The following SMYD3 variants were observed in gnomAD, a reference collection of about 807,000 sequenced individuals.
SMYD3 encodes histone-lysine N-methyltransferase SMYD3.
A neutral mutation model predicts 57.7 loss-of-function variants in SMYD3; 36 were observed. The observed-to-expected ratio is 0.62, with a 90% confidence interval of 0.48 to 0.82. The LOEUF is 0.82. Among genes scored for constraint, SMYD3 ranks in the 40% least tolerant of loss-of-function variants. The pLI is 0.00. For synonymous variants in SMYD3, 211 were observed against 195.0 expected (o/e 1.08, Z -0.68); for missense variants, 515 against 538.8 (o/e 0.96, Z 0.44).
chr1:246,149,963 C>A (rs963995099), intron 5 of SMYD3, among the ~76,000 whole-genome samples: 4 of 152,208 alleles, frequency 2.6e-5, no homozygotes, highest in African/African-American at 9.6e-5. Flanking sequence ...CTGAAACAAC[C>A]ATTAACTTCT....
chr1:246,039,876 C>T (rs939002809), intron 5 of SMYD3, among the ~76,000 whole-genome samples: 1 of 152,184 alleles, frequency 6.6e-6, no homozygotes, highest in Admixed American at 6.5e-5. Flanking sequence ...TAGTTCTCAA[C>T]ATCTTGCCAC....
chr1:246,194,816 T>C (rs1055354717), intron 5 of SMYD3, among the ~76,000 whole-genome samples: 2 of 152,242 alleles, frequency 1.3e-5, no homozygotes, highest in African/African-American at 4.8e-5. Flanking sequence ...TCAGAGAAAT[T>C]CTACGGCACA....
At chr1:245,957,383 A>G (rs1238249639) in intron 5 of SMYD3, among the ~76,000 whole-genome samples, 1 of 151,936 alleles carries the variant, frequency 6.6e-6, no homozygotes, top group Non-Finnish European at 1.5e-5. Flanking sequence ...CCCATCACCT[A>G]CTACACTCAC....
intron 10 of SMYD3, chr1:245,814,494 C>A (rs188916425): frequency 4.3e-6 from 3 of 701,222 alleles, no homozygotes; most frequent in Non-Finnish European, 5.3e-6. Flanking sequence ...GCTACTGTTA[C>A]ACCACATACT....
chr1:245,763,645 G>T (rs921317061), intron 11 of SMYD3, among the ~76,000 whole-genome samples: 2 of 152,060 alleles, frequency 1.3e-5, no homozygotes, highest in African/African-American at 2.4e-5. Context: ...GATGGTCAAG[G>T]GCTTGCCACG....
intron 1 of SMYD3, among the ~76,000 whole-genome samples, chr1:246,458,532 C>T (rs563184987): frequency 2.0e-5 from 3 of 148,824 alleles, no homozygotes; most frequent in East Asian, 2.0e-4. Flanking sequence ...CTGCAACCTC[C>T]GCCTCCCAGG....
intron 10 of SMYD3, among the ~76,000 whole-genome samples, chr1:245,766,364 C>T (rs972309320): frequency 7.0e-6 from 1 of 143,754 alleles, no homozygotes; most frequent in African/African-American, 2.6e-5. Flanking sequence ...TGCAGCACTG[C>T]ACTCCAGCCT....
intron 5 of SMYD3, among the ~76,000 whole-genome samples, chr1:245,967,223 T>A (rs2058178502): frequency 6.6e-6 from 1 of 152,218 alleles, no homozygotes; most frequent in Non-Finnish European, 1.5e-5. Flanking sequence ...TCTTTATTAA[T>A]CTGGCTTTAT....
chr1:246,176,309 C>T (rs545342591), intron 5 of SMYD3, among the ~76,000 whole-genome samples: 42 of 152,294 alleles, frequency 2.8e-4, no homozygotes, highest in African/African-American at 1.0e-3. Flanking sequence ...TACATCCATT[C>T]ACCACTGTCC....
chr1:246,321,391 T>C (rs936892096), intron 5 of SMYD3, among the ~76,000 whole-genome samples: 1 of 152,230 alleles, frequency 6.6e-6, no homozygotes, highest in African/African-American at 2.4e-5. Flanking sequence ...GAAGTAGATA[T>C]TAGTATTTCC....
At chr1:246,206,117 C>A (rs1309833441) in intron 5 of SMYD3, among the ~76,000 whole-genome samples, 1 of 151,774 alleles carries the variant, frequency 6.6e-6, no homozygotes, top group South Asian at 2.1e-4. Flanking sequence ...GTTTTTAGGA[C>A]AACTTCAATT....
intron 1 of SMYD3, among the ~76,000 whole-genome samples, chr1:246,442,335 G>A (rs113725510): frequency 0.054 from 8,245 of 152,156 alleles, 239 homozygotes; most frequent in Middle Eastern, 0.16. Flanking sequence ...GGCAGGCTGA[G>A]GTCACGAGTT....
At chr1:246,067,282 G>A (rs1440259120) in intron 5 of SMYD3, among the ~76,000 whole-genome samples, 3 of 152,138 alleles carry the variant, frequency 2.0e-5, no homozygotes, top group Non-Finnish European at 4.4e-5. Context: ...AGCCAGTGGG[G>A]GAGAATGGTT....
At chr1:246,186,679 G>A (rs12144675) in intron 5 of SMYD3, 200,478 of 891,384 alleles carry the variant, frequency 0.22, 26,519 homozygotes, top group African/African-American at 0.56. Context: ...AACTTGACCT[G>A]TGAGAGTCTG....
intron 5 of SMYD3, among the ~76,000 whole-genome samples, chr1:246,136,247 A>G (rs1319811208): frequency 1.3e-5 from 2 of 152,186 alleles, no homozygotes; most frequent in East Asian, 3.9e-4. Flanking sequence ...TTATTATCCT[A>G]CAATAACATA....
intron 1 of SMYD3, among the ~76,000 whole-genome samples, chr1:246,429,335 C>T (rs779485006): frequency 3.3e-5 from 5 of 152,106 alleles, no homozygotes; most frequent in Non-Finnish European, 2.9e-5. Flanking sequence ...ATGTAAGATG[C>T]TATGGATTGT....
At chr1:246,326,348 C>G (rs2065348612) in intron 5 of SMYD3, 1 of 694,438 alleles carries the variant, frequency 1.4e-6, no homozygotes, top group South Asian at 1.6e-5. Context: ...TTTCTGTCAT[C>G]CCTATCCCAG....
At chr1:246,488,177 C>T (rs1421986679) in intron 1 of SMYD3, among the ~76,000 whole-genome samples, 1 of 152,142 alleles carries the variant, frequency 6.6e-6, no homozygotes, top group Non-Finnish European at 1.5e-5. Context: ...AGTTATTACA[C>T]AGGTAATTTC....
At chr1:246,494,809 T>G (rs1347907202) in intron 1 of SMYD3, among the ~76,000 whole-genome samples, 1 of 152,252 alleles carries the variant, frequency 6.6e-6, no homozygotes, top group Non-Finnish European at 1.5e-5. Flanking sequence ...ACATAATTCC[T>G]GTTTGTCCTA....
Sources: allele counts gnomAD v4.1 joint callset (sites outside exome capture counted in the v4.1 genomes callset), GRCh38; gene constraint gnomAD v4.1.1; transcripts MANE v1.5; gene names NCBI Gene and HGNC (gene_info 2026-07-23, HGNC 2026-07-21).